The following TEK variants were observed in gnomAD, a reference collection of about 807,000 sequenced individuals.
TEK encodes TEK receptor tyrosine kinase.
TEK carries 43 observed loss-of-function variants against 131.8 expected under a neutral mutation model. That is an observed-to-expected ratio of 0.33 (90% CI 0.26 to 0.42). TEK has a LOEUF of 0.42. Ranked by LOEUF, TEK falls within the 10% of genes least tolerant of loss-of-function variation. The probability of loss-of-function intolerance (pLI) is 1.00; values close to 1 mark genes in which losing one functional copy is unlikely to be tolerated. For synonymous variants in TEK, 580 were observed against 491.6 expected (o/e 1.18, Z -2.38); for missense variants, 1,162 against 1,384.4 (o/e 0.84, Z 2.55).
intron 21 of TEK, among the ~76,000 whole-genome samples, chr9:27,221,882 G>C (rs551564925): frequency 6.6e-6 from 1 of 152,186 alleles, no homozygotes; most frequent in African/African-American, 2.4e-5. Flanking sequence ...AAAATTGGAC[G>C]AATGAGTTTG....
chr9:27,221,636 CCTCCAGCCAA>C lies in TEK; in HGVS notation c.3200+1499_3200+1508del, dbSNP rs893995322. On this transcript the variant is annotated intron_variant, in intron 21 of 22. Transcript: ENST00000380036. ...CCAGGCAGACAGGGTCTGGAGTGGA[CCTCCAGCCAA>C]CTCCAGCAGACCTTCAGCACAGGGG... is the stretch of plus-strand genomic sequence containing the variant. 1.2e-4 allele frequency among the ~76,000 whole-genome samples: 19 copies of C among 152,264 alleles called. No individual in the cohort carries two copies. In the South Asian group the frequency reaches 3.5e-3, roughly 28 times the overall value.
chr9:27,163,081 C>T (rs1823603957), intron 2 of TEK, among the ~76,000 whole-genome samples: 1 of 152,136 alleles, frequency 6.6e-6, no homozygotes, highest in Non-Finnish European at 1.5e-5. Context: ...CCTGACATTC[C>T]CCTAGCAACT....
At chr9:27,204,420 C>A (rs1388756643) in intron 13 of TEK, among the ~76,000 whole-genome samples, 2 of 152,100 alleles carry the variant, frequency 1.3e-5, no homozygotes, top group Non-Finnish European at 2.9e-5. Context: ...TATTGGGTAT[C>A]ATTAGGTTTT....
At chr9:27,196,939 T>C (rs1825045361) in intron 11 of TEK, among the ~76,000 whole-genome samples, 1 of 152,058 alleles carries the variant, frequency 6.6e-6, no homozygotes, top group Non-Finnish European at 1.5e-5. Flanking sequence ...TGTATACACG[T>C]GCCATGTTGG....
intron 1 of TEK, among the ~76,000 whole-genome samples, chr9:27,113,615 A>G (rs995771103): frequency 1.3e-5 from 2 of 151,534 alleles, no homozygotes; most frequent in Admixed American, 1.3e-4. Context: ...AAAATAAATA[A>G]TGAAGCTAGT....
chr9:27,229,290 C>T lies in TEK; in HGVS notation c.*58C>T. Reference sequence around the variant, plus strand: ...TCACTGGCATGGGAGACCCTTGACACCTGCTGAGAAAACATGCCTCTGCCA... The same window carrying T: ...TCACTGGCATGGGAGACCCTTGACATCTGCTGAGAAAACATGCCTCTGCCA... On this transcript the variant is annotated 3_prime_UTR_variant, in exon 23 of 23. Transcript: ENST00000380036. The T allele has an allele frequency of 6.5e-7, 1 of 1,534,694 alleles. No homozygotes were observed. Among genetic ancestry groups the T allele is most frequent in the Non-Finnish European group, 9.0e-7 (1 of 1,108,008 alleles).
At chr9:27,118,634 TAAC>T (rs930093150) in intron 1 of TEK, among the ~76,000 whole-genome samples, 4 of 152,136 alleles carry the variant, frequency 2.6e-5, no homozygotes, top group African/African-American at 9.7e-5. Context: ...GACCTCATCT[TAAC>T]AACAACAAAC....
intron 1 of TEK, among the ~76,000 whole-genome samples, chr9:27,143,898 C>T (rs1303261604): frequency 6.6e-6 from 1 of 152,160 alleles, no homozygotes; most frequent in African/African-American, 2.4e-5. Context: ...TGAGCCAAGT[C>T]TTGAAGGCTG....
chr9:27,179,465 T>G (rs1824284561), intron 6 of TEK, among the ~76,000 whole-genome samples: 1 of 152,208 alleles, frequency 6.6e-6, no homozygotes, highest in South Asian at 2.1e-4. Flanking sequence ...TCTTTTCCTT[T>G]AAAAAACGGG....
chr9:27,167,216 AATTGGCTT>A (rs1294973315), intron 2 of TEK, among the ~76,000 whole-genome samples: 1 of 151,588 alleles, frequency 6.6e-6, no homozygotes, highest in East Asian at 1.9e-4. Context: ...ATTTTCAATC[AATTGGCTT>A]ATTTTATTTT....
At chr9:27,219,937 C>A in intron 20 of TEK, 112 bp from the exon 21 acceptor site, 1 of 1,109,176 alleles carries the variant, frequency 9.0e-7, no homozygotes, top group Non-Finnish European at 1.4e-6. Context: ...GATGCTCACC[C>A]TCTCTTGCCA....
chr9:27,193,460 C>T (rs1052634189), intron 11 of TEK, among the ~76,000 whole-genome samples: 2 of 152,192 alleles, frequency 1.3e-5, no homozygotes, highest in Admixed American at 6.5e-5. Context: ...CTGGACTTCT[C>T]AGTGGTGTTT....
intron 10 of TEK, among the ~76,000 whole-genome samples, chr9:27,190,982 A>G (rs940209413): frequency 1.2e-4 from 18 of 152,138 alleles, no homozygotes; most frequent in South Asian, 4.1e-4. Flanking sequence ...TAGTTATTCT[A>G]TCTTGGCTGG....
chr9:27,223,622 G>A (rs936041303), intron 21 of TEK, among the ~76,000 whole-genome samples: 5 of 152,184 alleles, frequency 3.3e-5, no homozygotes, highest in Non-Finnish European at 7.3e-5. Context: ...AAAGCAGTGT[G>A]TAGAGGGAAA....
At chr9:27,197,979 A>G (rs890390382) in intron 12 of TEK, among the ~76,000 whole-genome samples, 1 of 152,206 alleles carries the variant, frequency 6.6e-6, no homozygotes, top group African/African-American at 2.4e-5. Flanking sequence ...ATAAAAACCA[A>G]ATAACTTTGC....
At chr9:27,189,422 G>A (rs1170070201) in intron 9 of TEK, among the ~76,000 whole-genome samples, 1 of 152,104 alleles carries the variant, frequency 6.6e-6, no homozygotes, top group Non-Finnish European at 1.5e-5. Context: ...TTGGCGGGCT[G>A]CAACCCATTG....
intron 22 of TEK, 24 bp downstream of exon 22, chr9:27,228,329 G>A (rs751821709): frequency 5.7e-6 from 9 of 1,566,750 alleles, no homozygotes; most frequent in Non-Finnish European, 7.9e-6. Flanking sequence ...TCAGGCAGGA[G>A]ATCTTTAATT....
intron 1 of TEK, among the ~76,000 whole-genome samples, chr9:27,121,724 T>G (rs1362452815): frequency 6.6e-6 from 1 of 152,072 alleles, no homozygotes; most frequent in Non-Finnish European, 1.5e-5. Context: ...ATAGAAAAAT[T>G]GCACAGGTGA....
intron 2 of TEK, among the ~76,000 whole-genome samples, chr9:27,159,175 A>G (rs187415299): frequency 6.6e-6 from 1 of 152,264 alleles, no homozygotes; most frequent in Admixed American, 6.5e-5. Flanking sequence ...TCAGTTCCTT[A>G]TACTATAGCA....
Sources: gnomAD v4.1 joint callset for allele counts (sites outside exome capture counted in the v4.1 genomes callset) on GRCh38, gnomAD v4.1.1 for gene constraint, MANE v1.5 for transcripts, NCBI Gene and HGNC (gene_info 2026-07-23, HGNC 2026-07-21) for gene names.